The following GSDME variants were observed in gnomAD, a reference collection of about 807,000 sequenced individuals.
GSDME encodes the protein gasdermin-E.
GSDME carries 44 observed loss-of-function variants against 47.5 expected under a neutral mutation model. The ratio of observed to expected loss-of-function variants is 0.93; its 90% CI spans 0.73 to 1.19. The LOEUF (loss-of-function observed/expected upper bound fraction) is 1.19. Among genes scored for constraint, GSDME ranks in the 50% most tolerant of loss-of-function variants. The pLI, the probability that GSDME is intolerant of heterozygous loss-of-function variation, is 0.00. For synonymous variants in GSDME, 258 were observed against 252.8 expected (o/e 1.02, Z -0.20); for missense variants, 663 against 604.2 (o/e 1.10, Z -1.02).
intron 9 of GSDME, among the ~76,000 whole-genome samples, chr7:24,699,759 C>T (rs1298769633): frequency 6.6e-6 from 1 of 152,204 alleles, no homozygotes; most frequent in African/African-American, 2.4e-5. Flanking sequence ...CTAGTGTCCT[C>T]TGTCTGAATC....
the GSDME span, among the ~76,000 whole-genome samples, chr7:24,772,517 C>T: frequency 2.0e-5 from 3 of 152,184 alleles, no homozygotes; most frequent in African/African-American, 4.8e-5. This position sits in a 1 kb window ranked among gnomAD's most constrained non-coding sequence, Gnocchi z 4.5. Context: ...AGCACAGAGT[C>T]GGCACTCCAC....
chr7:24,769,707 A>C, the GSDME span, among the ~76,000 whole-genome samples: 37 of 152,330 alleles, frequency 2.4e-4, no homozygotes, highest in African/African-American at 8.7e-4. Flanking sequence ...CATCATGTTC[A>C]GCTTTCAACA....
intron 3 of GSDME, among the ~76,000 whole-genome samples, chr7:24,727,541 G>A (rs1275430108): frequency 6.6e-6 from 1 of 152,190 alleles, no homozygotes; most frequent in Non-Finnish European, 1.5e-5. Context: ...CTTCTCCCAA[G>A]GGTTTTGATT....
At position 24,757,141 on chromosome 7, in the gene GSDME, T is replaced by C. The variant is rs1056745276; in HGVS notation, c.-20+255A>G. Among the ~76,000 whole-genome samples, 1 of 151,806 alleles carries C rather than the reference T, an allele frequency of 6.6e-6. No individual in the cohort carries two copies. The highest frequency in any genetic ancestry group is 2.4e-5 in the African/African-American group (1 of 41,288). On this transcript the variant is annotated intron_variant, in intron 1 of 9. Coordinates refer to ENST00000645220, the MANE Select transcript of GSDME (RefSeq NM_001127453.2). This position sits in a 1 kb window ranked among gnomAD's most constrained non-coding sequence, Gnocchi z 5.9. ...ATGGGAAGGGGATGCTGACTGCGAG[T>C]TGGGGCGGGACGCGGTGATGGGAGG...
At chr7:24,719,457 T>G (rs1789694830) in intron 3 of GSDME, among the ~76,000 whole-genome samples, 1 of 152,080 alleles carries the variant, frequency 6.6e-6, no homozygotes, top group African/African-American at 2.4e-5. Context: ...GGAAGGGGGC[T>G]TTCAGTCAAA....
At chr7:24,722,048 T>C (rs529289592) in intron 3 of GSDME, among the ~76,000 whole-genome samples, 1 of 152,324 alleles carries the variant, frequency 6.6e-6, no homozygotes, top group East Asian at 1.9e-4. Context: ...TCTAGCTCAT[T>C]CATTTATCTG....
At chr7:24,706,048 C>T (rs769598180) in intron 8 of GSDME, 136 bp downstream of exon 8, 1 of 1,120,950 alleles carries the variant, frequency 8.9e-7, no homozygotes, top group Non-Finnish European at 1.3e-6. Flanking sequence ...CTCTTACCCT[C>T]CCTGTACCAG....
rs1411660158 is a variant in GSDME, at chr7:24,725,737, G to A, written c.405-6519C>T. ...AGATAACATAACTGATTAGGTCAGG[G>A]GTCAATCTTTAACGACCAGGCCCAG... is the stretch of plus-strand genomic sequence containing the variant. On this transcript the variant is annotated intron_variant, in intron 3 of 9. Coordinates refer to ENST00000645220, the MANE Select transcript of GSDME (RefSeq NM_001127453.2). The surrounding 1 kb of genome is among the most constrained non-coding windows in gnomAD (Gnocchi z 5.1). 6.6e-6 allele frequency among the ~76,000 whole-genome samples: 1 copy of A among 152,132 alleles called. No individual in the cohort carries two copies. The highest frequency in any genetic ancestry group is 1.5e-5 in the Non-Finnish European group (1 of 68,018).
the GSDME span, among the ~76,000 whole-genome samples, chr7:24,794,074 G>T: frequency 1.3e-5 from 2 of 152,126 alleles, no homozygotes; most frequent in African/African-American, 4.8e-5. Context: ...ATCAATTATA[G>T]GTTCTAAATT....
chr7:24,754,041 C>G lies in GSDME; in HGVS notation c.-20+3355G>C, dbSNP rs1407638863. ...GCACAGTCATGTCTCAGCCAAAAGTCAGACTCTGGATTAACATTTTCACAA... is the reference window on the plus strand; with the variant it reads ...GCACAGTCATGTCTCAGCCAAAAGTGAGACTCTGGATTAACATTTTCACAA... On this transcript the variant is annotated intron_variant, in intron 1 of 9. Coordinates refer to ENST00000645220, the MANE Select transcript of GSDME (RefSeq NM_001127453.2). This position sits in a 1 kb window ranked among gnomAD's most constrained non-coding sequence, Gnocchi z 5.0. 6.6e-6 allele frequency among the ~76,000 whole-genome samples: 1 copy of G among 152,210 alleles called. No homozygotes were observed. The highest frequency in any genetic ancestry group is 1.5e-5 in the Non-Finnish European group (1 of 68,046).
chr7:24,779,567 A>T, the GSDME span, among the ~76,000 whole-genome samples: 3 of 148,726 alleles, frequency 2.0e-5, no homozygotes, highest in Admixed American at 6.8e-5. This position sits in a 1 kb window ranked among gnomAD's most constrained non-coding sequence, Gnocchi z 6.0. Flanking sequence ...TCATCAGGGG[A>T]AAAAAAAAGA....
chr7:24,710,214 C>A lies in GSDME; in HGVS notation c.862+10G>T, dbSNP rs1324436337. 1.2e-6 allele frequency: 2 copies of A among 1,613,054 alleles called. No individual in the cohort carries two copies. Among genetic ancestry groups the A allele is most frequent in the African/African-American group, 2.7e-5 (2 of 74,896 alleles). Reference sequence around the variant, plus strand: ...TCAACTGCCCACTACTCCTGCCCTGCTGGCAATACCTTGCTTTAAAACACT... The same window carrying A: ...TCAACTGCCCACTACTCCTGCCCTGATGGCAATACCTTGCTTTAAAACACT... On this transcript the variant is annotated intron_variant, in intron 6 of 9. Transcript: ENST00000645220.
chr7:24,769,011 T>C, the GSDME span, among the ~76,000 whole-genome samples: 15 of 152,208 alleles, frequency 9.9e-5, no homozygotes, highest in Non-Finnish European at 1.5e-5. Flanking sequence ...GCTCATGCTC[T>C]AATGGGCAAA....
the GSDME span, among the ~76,000 whole-genome samples, chr7:24,786,620 C>T: frequency 6.7e-3 from 1,022 of 152,298 alleles, 5 homozygotes; most frequent in Middle Eastern, 0.044. This position sits in a 1 kb window ranked among gnomAD's most constrained non-coding sequence, Gnocchi z 5.5. Context: ...ACGAGCCCTT[C>T]ACATATTGGT....
chr7:24,713,894 T>G (rs1200551957), intron 5 of GSDME, among the ~76,000 whole-genome samples: 1 of 152,116 alleles, frequency 6.6e-6, no homozygotes, highest in Non-Finnish European at 1.5e-5. Context: ...AGTTCAAGGT[T>G]GCAGTGAGCT....
chr7:24,778,283 A>T, the GSDME span, among the ~76,000 whole-genome samples: 2 of 151,984 alleles, frequency 1.3e-5, no homozygotes, highest in Admixed American at 1.3e-4. This position sits in a 1 kb window ranked among gnomAD's most constrained non-coding sequence, Gnocchi z 5.6. Flanking sequence ...GAACCCAGAC[A>T]TGGATAGACC....
intron 9 of GSDME, chr7:24,702,296 C>T (rs546794551): frequency 1.3e-4 from 33 of 244,906 alleles, no homozygotes; most frequent in Admixed American, 4.0e-4. Context: ...ACCAAGCTAA[C>T]GATATTCCTG....
Position 24,744,950 on chromosome 7 carries a change from GT to G in GSDME, c.212-197del, listed in dbSNP as rs1790610596. ...TGTGTGTGTGTGTGTGTGTGTGTGTGTGGACCGCGGGCACACAGTGGACCAG... is the reference window on the plus strand; with the variant it reads ...TGTGTGTGTGTGTGTGTGTGTGTGTGGGACCGCGGGCACACAGTGGACCAG... On this transcript the variant is annotated intron_variant, in intron 2 of 9. Transcript: ENST00000645220. The surrounding 1 kb of genome is among the most constrained non-coding windows in gnomAD (Gnocchi z 4.5). Among the ~76,000 whole-genome samples the G allele has an allele frequency of 6.9e-6, 1 of 144,924 alleles. No individual in the cohort carries two copies. The highest frequency in any genetic ancestry group is 2.5e-5 in the African/African-American group (1 of 39,276).
Position 24,710,275 on chromosome 7 carries a change from C to T in GSDME, c.811G>A (p.Ala271Thr), listed in dbSNP as rs1789296047. 1.2e-6 allele frequency: 2 copies of T among 1,614,230 alleles called. No homozygotes were observed. The highest frequency in any genetic ancestry group is 1.3e-5 in the African/African-American group (1 of 75,064). ...REFAFIDMPD[A>T]AHGISSQDGP... is the part of the protein sequence containing the mutation. Reference sequence around the variant, plus strand: ...TCCTGGGAAGATATCCCATGCGCAGCATCTGGCATGTCTATGAATGCAAAC... The same window carrying T: ...TCCTGGGAAGATATCCCATGCGCAGTATCTGGCATGTCTATGAATGCAAAC... Residue 271 changes from alanine to threonine, a missense_variant, in exon 6 of 10, where the codon GCT (alanine) becomes ACT (threonine). Coordinates refer to ENST00000645220, the MANE Select transcript of GSDME (RefSeq NM_001127453.2).
Sources: allele counts gnomAD v4.1 joint callset (sites outside exome capture counted in the v4.1 genomes callset), GRCh38; gene constraint gnomAD v4.1.1; non-coding constraint Gnocchi (gnomAD v3.1); transcripts MANE v1.5; gene names NCBI Gene and HGNC (gene_info 2026-07-23, HGNC 2026-07-21).